CPAMD8: variants seen among roughly 807,000 people sequenced by gnomAD.
The protein encoded by CPAMD8 is C3 and PZP-like alpha-2-macroglobulin domain-containing protein 8.
Under a neutral mutation model 224.7 loss-of-function variants are expected in CPAMD8, and 146 were observed. That is an observed-to-expected ratio of 0.65 (90% confidence interval 0.57 to 0.75). CPAMD8 has a LOEUF of 0.75. CPAMD8 is among the 30% of genes least tolerant of loss of function. The pLI is 0.00. For synonymous variants in CPAMD8, 966 were observed against 1,044.6 expected (o/e 0.92, Z 1.45); for missense variants, 2,301 against 2,537.5 (o/e 0.91, Z 2.00).
intron 23 of CPAMD8, among the ~76,000 whole-genome samples, chr19:16,929,778 T>C (rs1194568491): frequency 6.6e-6 from 1 of 151,984 alleles, no homozygotes; most frequent in African/African-American, 2.4e-5. Context: ...GTGTTGAAAA[T>C]TGCAAAAGGC....
intron 13 of CPAMD8, among the ~76,000 whole-genome samples, chr19:16,986,482 C>T (rs1315059415): frequency 6.6e-6 from 1 of 152,152 alleles, no homozygotes; most frequent in East Asian, 1.9e-4. Context: ...CCCCACCCTG[C>T]ACCACTGGTT....
chr19:16,940,624 A>C (rs67874760), intron 22 of CPAMD8, among the ~76,000 whole-genome samples: 41,643 of 152,072 alleles, frequency 0.27, 5,840 homozygotes, highest in African/African-American at 0.3. Flanking sequence ...ATGTGTCTAT[A>C]CTGATGAGTC....
At chr19:17,007,110 G>A (rs1599897196) in intron 7 of CPAMD8, among the ~76,000 whole-genome samples, 1 of 152,186 alleles carries the variant, frequency 6.6e-6, no homozygotes, top group East Asian at 1.9e-4. Context: ...GAGGCGGGCG[G>A]ATCACCTGAG....
chr19:16,998,471 T>TAATTAAATTA (rs1046269600), intron 10 of CPAMD8, among the ~76,000 whole-genome samples: 286 of 152,120 alleles, frequency 1.9e-3, no homozygotes, highest in Middle Eastern at 3.4e-3. Context: ...ATAAATAAAT[T>TAATTAAATTA]AATTAAATTA....
intron 18 of CPAMD8, among the ~76,000 whole-genome samples, chr19:16,968,369 C>T (rs544999481): frequency 4.6e-5 from 7 of 152,132 alleles, no homozygotes; most frequent in East Asian, 1.9e-4. Context: ...GGGGAGCAGA[C>T]GGAGGGGCAC....
chr19:16,966,437 G>C (rs1011132499), intron 18 of CPAMD8, among the ~76,000 whole-genome samples: 1 of 152,166 alleles, frequency 6.6e-6, no homozygotes, highest in East Asian at 1.9e-4. Flanking sequence ...CATGGGCAAA[G>C]ACTTCACGAC....
intron 23 of CPAMD8, among the ~76,000 whole-genome samples, chr19:16,932,521 C>G (rs1016715337): frequency 2.6e-5 from 4 of 151,954 alleles, no homozygotes; most frequent in Admixed American, 6.6e-5. Context: ...AAAAAGGAAC[C>G]AAACAAATTC....
chr19:17,015,115 G>A (rs112020239), intron 3 of CPAMD8, among the ~76,000 whole-genome samples: 14,691 of 152,218 alleles, frequency 0.097, 943 homozygotes, highest in South Asian at 0.12. Flanking sequence ...GATGGCAGGC[G>A]CCTATAGTCC....
chr19:16,896,296 G>A lies in CPAMD8; in HGVS notation c.5306C>T (p.Thr1769Ile), dbSNP rs372885132. 2.1e-5 allele frequency: 34 copies of A among 1,611,668 alleles called. No individual in the cohort carries two copies. Among genetic ancestry groups the A allele is most frequent in the Non-Finnish European group, 2.8e-5 (33 of 1,179,234 alleles). ...EQRLPASSSSTYGDDLASVAP... is the reference protein window; with the variant it reads ...EQRLPASSSSIYGDDLASVAP... The stretch of plus-strand genomic sequence containing the variant: ...CACAGAAGCCAGGTCATCCCCGTAG[G>A]TGGAGGACGACGAGGCCGGCAGCCG... The change falls in exon 41 of 42, where the codon ACC becomes ATC. Residue 1769 changes from threonine to isoleucine, a missense_variant. This residue lies in a region of CPAMD8 where 1,709 missense variants were observed against 1,753.2 expected (regional missense o/e 0.97). Transcript: ENST00000443236.
chr19:16,902,609 C>A (rs1445685056), intron 35 of CPAMD8, 40 bp downstream of exon 35: 1 of 1,359,056 alleles, frequency 7.4e-7, no homozygotes, highest in Admixed American at 1.9e-5. Context: ...CACATTGCAC[C>A]CTCCTGGGAT....
chr19:16,978,892 T>C (rs1001271777), intron 14 of CPAMD8, among the ~76,000 whole-genome samples: 1 of 149,560 alleles, frequency 6.7e-6, no homozygotes, highest in African/African-American at 2.5e-5. Flanking sequence ...CATCCAACCA[T>C]CCACCCATCC....
chr19:17,018,402 G>C (rs1389692055), intron 3 of CPAMD8, among the ~76,000 whole-genome samples: 2 of 152,122 alleles, frequency 1.3e-5, no homozygotes, highest in African/African-American at 4.8e-5. Context: ...CTAATGTACT[G>C]CAGGTGGTTC....
In CPAMD8 at chr19:16,899,492, G is replaced by A; in HGVS notation, c.4831C>T (p.Leu1611Phe). The A allele has an allele frequency of 6.4e-7, 1 of 1,553,912 alleles. No homozygotes were observed. The highest frequency in any genetic ancestry group is 8.9e-7 in the Non-Finnish European group (1 of 1,125,720). ...GGTGGTACCTCATCAAAGTAGAAGAGCACTCGGCGTCCAGCCACTTCATAC... is the reference window on the plus strand; with the variant it reads ...GGTGGTACCTCATCAAAGTAGAAGAACACTCGGCGTCCAGCCACTTCATAC... ...KRYEVAGRRV[L>F]FYFDEIPSRC... Residue 1611 changes from leucine to phenylalanine, a missense_variant, in exon 37 of 42, where the codon CTC becomes TTC. Physicochemically the swap from Leu to Phe is conservative, Grantham distance 22. This residue lies in a region of CPAMD8 where 1,709 missense variants were observed against 1,753.2 expected (regional missense o/e 0.97). Transcript: ENST00000443236. This position sits in a 1 kb window ranked among gnomAD's most constrained non-coding sequence, Gnocchi z 5.4.
At chr19:16,990,271 C>T (rs570694793) in intron 12 of CPAMD8, among the ~76,000 whole-genome samples, 4 of 151,814 alleles carry the variant, frequency 2.6e-5, no homozygotes, top group African/African-American at 4.8e-5. Context: ...AAGAAGCAAG[C>T]ATCCAAGATT....
chr19:16,987,170 AAAAAAAAAAATATATAT>A (rs1342389232), intron 13 of CPAMD8, among the ~76,000 whole-genome samples: 20 of 104,764 alleles, frequency 1.9e-4, no homozygotes, highest in South Asian at 3.0e-4. Flanking sequence ...AAAAAAAAAA[AAAAAAAAAAATATATAT>A]ATATATATAT....
intron 18 of CPAMD8, among the ~76,000 whole-genome samples, chr19:16,968,136 G>T (rs1167682834): frequency 2.0e-5 from 3 of 152,054 alleles, no homozygotes; most frequent in Non-Finnish European, 4.4e-5. Flanking sequence ...GTGGGTCAGG[G>T]CCTCTGGGGT....
At chr19:16,914,554 C>G in intron 28 of CPAMD8, 56 bp from the exon 29 acceptor site, 10 of 1,609,970 alleles carry the variant, frequency 6.2e-6, no homozygotes, top group Non-Finnish European at 8.5e-6. Context: ...CCACTTCCCC[C>G]CACTTCCCCC....
chr19:16,950,793 GAAAAA>G (rs757775739), intron 20 of CPAMD8, among the ~76,000 whole-genome samples: 8 of 45,884 alleles, frequency 1.7e-4, no homozygotes, highest in African/African-American at 6.0e-4. Context: ...ACCCTGTCTC[GAAAAA>G]AAAAAAAAAA....
chr19:17,019,364 C>T (rs554539372), intron 3 of CPAMD8, among the ~76,000 whole-genome samples: 1 of 152,236 alleles, frequency 6.6e-6, no homozygotes, highest in East Asian at 1.9e-4. Flanking sequence ...CTCAGGTGAT[C>T]CACCCTCCTC....
Sources: gnomAD v4.1 joint callset for allele counts (sites outside exome capture counted in the v4.1 genomes callset) on GRCh38, gnomAD v4.1.1 for gene constraint, gnomAD v4.1.1 regional missense constraint, Gnocchi (gnomAD v3.1) non-coding constraint, MANE v1.5 for transcripts, NCBI Gene and HGNC (gene_info 2026-07-23, HGNC 2026-07-21) for gene names.